Variants in RPL17 observed in about 807,000 individuals in gnomAD.
RPL17 encodes ribosomal protein L17, also known as large ribosomal subunit protein uL22.
RPL17 carries 2 observed loss-of-function variants against 27.7 expected under a neutral mutation model. That is an observed-to-expected ratio of 0.07 (90% confidence interval 0.03 to 0.23). The LOEUF (loss-of-function observed/expected upper bound fraction) is 0.23. Among genes scored for constraint, RPL17 ranks in the 10% least tolerant of loss-of-function variants. The pLI, the probability that RPL17 is intolerant of heterozygous loss-of-function variation, is 1.00. For synonymous variants in RPL17, 76 were observed against 75.5 expected (o/e 1.01, Z -0.03); for missense variants, 141 against 238.8 (o/e 0.59, Z 2.70).
At chr18:49,489,047 C>T (rs1286530118) in intron 6 of RPL17, 5 of 273,316 alleles carry the variant, frequency 1.8e-5, no homozygotes, top group South Asian at 1.2e-4. Flanking sequence ...TACAGATACC[C>T]GCCACCACGC....
Position 49,491,513 on chromosome 18 carries a change from C to A in RPL17, c.40+19G>T. 6.2e-7 allele frequency: 1 copy of A among 1,614,192 alleles called. No homozygotes were observed. Among genetic ancestry groups the A allele is most frequent in the Non-Finnish European group, 8.5e-7 (1 of 1,180,036 alleles). On this transcript the variant is annotated intron_variant, in intron 2 of 6. Coordinates refer to ENST00000580261, the MANE Select transcript of RPL17 (RefSeq NM_001035006.5). ...CAAGCCCCAAGTAGGAAATGGGTAT[C>A]TACCTCCTGTCCACTTACATTTCGT...
rs1376769222 is a variant in RPL17, at chr18:49,490,275, A to G, written c.315+179T>C. ...TTCTGGATCTTCACAGAATTTTGCCATAAAGGGACTCAAAAAAAATAAAAG... is the reference window on the plus strand; with the variant it reads ...TTCTGGATCTTCACAGAATTTTGCCGTAAAGGGACTCAAAAAAAATAAAAG... On this transcript the variant is annotated intron_variant, in intron 5 of 6. Transcript: ENST00000580261. 2.8e-5 allele frequency: 18 copies of G among 654,098 alleles called. 1 individual carries two copies. The Admixed American group carries it at 5.6e-4, about 20-fold the overall frequency. 40.5% of individuals were successfully genotyped at this position (654,098 alleles called of 1,614,324 possible). A position where few individuals can be genotyped will look rare whatever the true frequency, so the allele number is the denominator to read the frequency against.
chr18:49,491,486 G>A, intron 2 of RPL17, 41 bp from the exon 3 acceptor site: 1 of 1,614,100 alleles, frequency 6.2e-7, no homozygotes, highest in Non-Finnish European at 8.5e-7. Flanking sequence ...GGTATCTTAT[G>A]CCAAGCCCCA....
chr18:49,490,338 T>C, intron 5 of RPL17, 116 bp downstream of exon 5: 1 of 1,145,342 alleles, frequency 8.7e-7, no homozygotes, highest in African/African-American at 2.2e-5. Context: ...AGGTAGAAAT[T>C]TAAAAAATCC....
At chr18:49,492,047 G>C in intron 1 of RPL17, 1 of 309,896 alleles carries the variant, frequency 3.2e-6, no homozygotes, top group East Asian at 7.7e-5. Flanking sequence ...CCTCCTGTAC[G>C]CAACACTCTT....
At position 49,489,560 on chromosome 18, in the gene RPL17, AAAGG is replaced by A. The variant is rs2083905045; in HGVS notation, c.316-14_316-11del. ...AATCTACATCTAAACCCTGGGGAAG[AAAGG>A]AAGGAGAATGAAACCAGGAACATCC... On this transcript the variant is annotated splice_polypyrimidine_tract_variant and intron_variant, in intron 5 of 6. Coordinates refer to ENST00000580261, the MANE Select transcript of RPL17 (RefSeq NM_001035006.5). The A allele has an allele frequency of 3.1e-6, 5 of 1,599,370 alleles. No homozygotes were observed. Among genetic ancestry groups the A allele is most frequent in the African/African-American group, 1.3e-5 (1 of 75,044 alleles).
At chr18:49,491,757 T>C in intron 1 of RPL17, 173 bp from the exon 2 acceptor site, 1 of 887,176 alleles carries the variant, frequency 1.1e-6, no homozygotes, top group Non-Finnish European at 1.9e-6. Context: ...AAGGGCTTGC[T>C]TTCCCTTTTA....
chr18:49,491,028 T>C lies in RPL17; in HGVS notation c.82-101A>G, dbSNP rs192867724. On this transcript the variant is annotated intron_variant, in intron 3 of 6. Coordinates refer to ENST00000580261, the MANE Select transcript of RPL17 (RefSeq NM_001035006.5). ...TTCAGCTTTTCAAAATGTCGAGTTA[T>C]TTCTATTCTTTGGGGGCAAGGCAAT... The C allele has an allele frequency of 1.4e-3, 2,150 of 1,560,206 alleles. 37 individuals carry two copies. Among genetic ancestry groups the C allele is most frequent in the Admixed American group, 9.8e-4 (55 of 56,018 alleles).
chr18:49,489,757 A>C (rs2083919290), intron 5 of RPL17, among the ~76,000 whole-genome samples: 1 of 152,180 alleles, frequency 6.6e-6, no homozygotes, highest in South Asian at 2.1e-4. Flanking sequence ...AATTGCCACC[A>C]AACTCAGTGT....
chr18:49,490,352 G>A, intron 5 of RPL17, 102 bp downstream of exon 5: 1 of 1,015,978 alleles, frequency 9.8e-7, no homozygotes, highest in Non-Finnish European at 1.3e-6. Context: ...AAAATCCTAA[G>A]AGTTAATTAC....
At chr18:49,490,973 A>C (rs765082377) in intron 3 of RPL17, 46 bp from the exon 4 acceptor site, 1 of 1,605,480 alleles carries the variant, frequency 6.2e-7, no homozygotes. Context: ...CAAAGCTTTA[A>C]TTTTTAAAGT....
At chr18:49,488,640 G>C (rs1419438698) in intron 6 of RPL17, 74 bp from the exon 7 acceptor site, 7 of 882,962 alleles carry the variant, frequency 7.9e-6, no homozygotes, top group Non-Finnish European at 1.3e-5. Flanking sequence ...GCTTATTCTG[G>C]AGGCAGGAAA....
At chr18:49,489,725 T>G (rs1568501485) in intron 5 of RPL17, among the ~76,000 whole-genome samples, 175 bp from the exon 6 acceptor site, 2 of 152,238 alleles carry the variant, frequency 1.3e-5, no homozygotes, top group Non-Finnish European at 1.5e-5. Context: ...ACCAGTTGTC[T>G]GCCTTCACCT....
intron 6 of RPL17, 59 bp downstream of exon 6, chr18:49,489,300 T>G: frequency 1.3e-6 from 2 of 1,585,200 alleles, no homozygotes; most frequent in Non-Finnish European, 1.7e-6. Context: ...AAGATAGTCA[T>G]CACAGCAACC....
chr18:49,491,769 C>T lies in RPL17; in HGVS notation c.-13-185G>A, dbSNP rs372728937. On this transcript the variant is annotated intron_variant, in intron 1 of 6. Coordinates refer to ENST00000580261, the MANE Select transcript of RPL17 (RefSeq NM_001035006.5). Reference sequence around the variant, plus strand: ...ACCAAGGGCTTGCTTTCCCTTTTATCTTCCAGTAACTACAGCACTGCTTCC... The same window carrying T: ...ACCAAGGGCTTGCTTTCCCTTTTATTTTCCAGTAACTACAGCACTGCTTCC... 2.0e-4 allele frequency: 160 copies of T among 807,990 alleles called. No homozygotes were observed. The African/African-American group carries it at 2.5e-3, about 13-fold the overall frequency. The allele number at this position is 807,990 out of a possible 1,614,324, so 50.1% of individuals were successfully genotyped here.
chr18:49,490,329 G>C (rs2083965841), intron 5 of RPL17, 125 bp downstream of exon 5: 1 of 1,011,622 alleles, frequency 9.9e-7, no homozygotes, highest in Non-Finnish European at 1.4e-6. Context: ...GGAAACTGCA[G>C]GTAGAAATTT....
intron 5 of RPL17, 50 bp from the exon 6 acceptor site, chr18:49,489,600 A>G: frequency 1.3e-6 from 2 of 1,556,876 alleles, no homozygotes; most frequent in Non-Finnish European, 1.7e-6. Context: ...TTAATTAGTA[A>G]AACACCACAA....
chr18:49,491,590 G>C lies in RPL17; in HGVS notation c.-13-6C>G, dbSNP rs1198415694. ...GAACCATTTTCACAGATCACCTAGA[G>C]GAAAGTACAGTGTAATTCTGTCAAT... On this transcript the variant is annotated splice_region_variant and splice_polypyrimidine_tract_variant and intron_variant, in intron 1 of 6. Coordinates refer to ENST00000580261, the MANE Select transcript of RPL17 (RefSeq NM_001035006.5). 3 of 1,613,994 alleles carry C rather than the reference G, an allele frequency of 1.9e-6. No individual in the cohort carries two copies. The highest frequency in any genetic ancestry group is 1.1e-5 in the South Asian group (1 of 91,092).
chr18:49,488,644 C>T (rs865869584), intron 6 of RPL17, 78 bp from the exon 7 acceptor site: 2 of 848,686 alleles, frequency 2.4e-6, no homozygotes, highest in Middle Eastern at 2.2e-4. Context: ...ATTCTGGAGG[C>T]AGGAAACCTA....
Sources: gnomAD v4.1 joint callset for allele counts (sites outside exome capture counted in the v4.1 genomes callset) on GRCh38, gnomAD v4.1.1 for gene constraint, MANE v1.5 for transcripts, NCBI Gene and HGNC (gene_info 2026-07-23, HGNC 2026-07-21) for gene names.